The following NLGN1 variants were observed in gnomAD, a reference collection of about 807,000 sequenced individuals.
NLGN1 encodes neuroligin-1.
In NLGN1, 12 loss-of-function variants were observed where a neutral mutation model predicts 65.5. That is an observed-to-expected ratio of 0.18 (90% CI 0.12 to 0.30). NLGN1 has a LOEUF of 0.30. Among genes scored for constraint, NLGN1 ranks in the 10% least tolerant of loss-of-function variants. The pLI, the probability that NLGN1 is intolerant of heterozygous loss-of-function variation, is 1.00. For missense variants in NLGN1, 750 were observed against 1,007.1 expected (o/e 0.74, Z 3.46); for synonymous variants, 350 against 359.5 (o/e 0.97, Z 0.30).
chr3:173,422,009 ATAATTTGGT>A (rs1262212037), intron 1 of NLGN1, among the ~76,000 whole-genome samples: 14 of 152,210 alleles, frequency 9.2e-5, no homozygotes, highest in African/African-American at 3.4e-4. Flanking sequence ...TCAAATCAGA[ATAATTTGGT>A]TATCCATCAA....
At chr3:174,107,676 C>T (rs551548036) in intron 4 of NLGN1, among the ~76,000 whole-genome samples, 1 of 152,194 alleles carries the variant, frequency 6.6e-6, no homozygotes, top group East Asian at 1.9e-4. Flanking sequence ...CTGGGTTATA[C>T]AATAGTTGCA....
At chr3:173,912,282 C>T (rs183527998) in intron 4 of NLGN1, among the ~76,000 whole-genome samples, 1 of 152,246 alleles carries the variant, frequency 6.6e-6, no homozygotes, top group Non-Finnish European at 1.5e-5. Flanking sequence ...CAATTCCACT[C>T]CCGGGATTTT....
chr3:173,707,585 A>G (rs572685625), intron 3 of NLGN1, among the ~76,000 whole-genome samples: 59 of 152,262 alleles, frequency 3.9e-4, no homozygotes, highest in African/African-American at 1.3e-3. Flanking sequence ...TCTGTCTCCC[A>G]ACGTGTACCC....
intron 4 of NLGN1, among the ~76,000 whole-genome samples, chr3:173,903,330 A>G (rs1737731180): frequency 6.6e-6 from 1 of 152,076 alleles, no homozygotes; most frequent in Admixed American, 6.6e-5. Flanking sequence ...GACTGAATGA[A>G]GGGATTGATG....
intron 4 of NLGN1, among the ~76,000 whole-genome samples, chr3:174,040,348 A>G (rs9860528): frequency 5.3e-5 from 8 of 152,278 alleles, no homozygotes; most frequent in African/African-American, 1.9e-4. Context: ...CTTGGCAACT[A>G]TGTACAGAAG....
At chr3:173,429,947 TGTGCCCTGGCTGGTACTA>T (rs1455398416) in intron 1 of NLGN1, among the ~76,000 whole-genome samples, 4 of 152,218 alleles carry the variant, frequency 2.6e-5, no homozygotes, top group African/African-American at 9.6e-5. Flanking sequence ...TGCTGAGTTT[TGTGCCCTGGCTGGTACTA>T]GCCACACCTC....
intron 3 of NLGN1, among the ~76,000 whole-genome samples, chr3:173,656,675 T>C (rs1404224785): frequency 6.6e-6 from 1 of 152,094 alleles, no homozygotes; most frequent in Non-Finnish European, 1.5e-5. Flanking sequence ...TGAATTAAAA[T>C]CACATGAATA....
At chr3:173,525,818 A>G (rs181904203) in intron 2 of NLGN1, among the ~76,000 whole-genome samples, 32 of 152,178 alleles carry the variant, frequency 2.1e-4, no homozygotes, top group African/African-American at 7.7e-4. Flanking sequence ...TTCATTTCAA[A>G]AATGTTTTTT....
chr3:173,746,918 G>C (rs1402321957), intron 3 of NLGN1, among the ~76,000 whole-genome samples: 1 of 151,766 alleles, frequency 6.6e-6, no homozygotes, highest in East Asian at 1.9e-4. Flanking sequence ...TGGGCATGGT[G>C]TCTTGCACCT....
chr3:173,605,484 G>C, intron 3 of NLGN1, 50 bp from the exon 3 acceptor site: 12 of 1,001,470 alleles, frequency 1.2e-5, no homozygotes, highest in Non-Finnish European at 1.7e-5. Flanking sequence ...TGTTCCGGCG[G>C]TCTATGATGG....
chr3:173,650,145 T>G (rs1279535826), intron 3 of NLGN1, among the ~76,000 whole-genome samples: 1 of 152,068 alleles, frequency 6.6e-6, no homozygotes. Flanking sequence ...TTGATTTTTT[T>G]TAACTTAATA....
At chr3:173,617,660 C>T (rs780738424) in intron 3 of NLGN1, among the ~76,000 whole-genome samples, 19 of 152,192 alleles carry the variant, frequency 1.2e-4, no homozygotes, top group South Asian at 2.1e-4. Context: ...GACTCTGTCA[C>T]GGGCCCTCGA....
At chr3:174,166,637 T>C (rs1195113253) in intron 4 of NLGN1, among the ~76,000 whole-genome samples, 3 of 152,240 alleles carry the variant, frequency 2.0e-5, no homozygotes, top group African/African-American at 7.2e-5. Flanking sequence ...GGTGTGCAGA[T>C]GAGGAGAATG....
At chr3:174,217,577 T>C (rs1737852510) in intron 4 of NLGN1, among the ~76,000 whole-genome samples, 1 of 151,838 alleles carries the variant, frequency 6.6e-6, no homozygotes, top group Non-Finnish European at 1.5e-5. Flanking sequence ...TGGGATCCCT[T>C]TTATAAGAGC....
intron 4 of NLGN1, among the ~76,000 whole-genome samples, chr3:173,860,514 C>T (rs957254406): frequency 6.6e-6 from 1 of 152,028 alleles, no homozygotes; most frequent in Non-Finnish European, 1.5e-5. Context: ...GTCAAAAATA[C>T]TTTCTAAGAT....
chr3:173,733,407 T>C lies in NLGN1; in HGVS notation c.494-74273T>C, dbSNP rs527523518. Among the ~76,000 whole-genome samples the C allele has an allele frequency of 7.2e-5, 11 of 152,262 alleles. No homozygotes were observed. The East Asian group carries it at 2.1e-3, about 29-fold the overall frequency. On this transcript the variant is annotated intron_variant, in intron 3 of 6. Coordinates refer to ENST00000457714, the Ensembl canonical transcript of NLGN1. ...GATAAGCTTAATGCCTTTTCATTCC[T>C]TCTCTCTTTCCCTTTCCCTTTTCTC... is the stretch of plus-strand genomic sequence containing the variant.
At chr3:173,793,774 G>C (rs1314221325) in intron 3 of NLGN1, among the ~76,000 whole-genome samples, 2 of 152,002 alleles carry the variant, frequency 1.3e-5, no homozygotes, top group Non-Finnish European at 2.9e-5. Flanking sequence ...CATAATGCAG[G>C]CTTCTATATA....
intron 2 of NLGN1, among the ~76,000 whole-genome samples, chr3:173,547,502 T>C (rs1740071616): frequency 6.6e-6 from 1 of 152,156 alleles, no homozygotes; most frequent in Non-Finnish European, 1.5e-5. Context: ...TTTTGATCCA[T>C]GATTGCCCTA....
chr3:174,076,722 A>AGTGT (rs945040076), intron 4 of NLGN1, among the ~76,000 whole-genome samples: 14 of 102,982 alleles, frequency 1.4e-4, no homozygotes, highest in African/African-American at 3.7e-4. Flanking sequence ...AGAGAGAGAG[A>AGTGT]GAGTGTGTGT....
Sources: allele counts gnomAD v4.1 joint callset (sites outside exome capture counted in the v4.1 genomes callset), GRCh38; gene constraint gnomAD v4.1.1; transcripts MANE v1.5; gene names NCBI Gene and HGNC (gene_info 2026-07-23, HGNC 2026-07-21).